DIS3L2: variants seen among roughly 807,000 people sequenced by gnomAD.
DIS3L2 encodes the protein DIS3 like 3'-5' exoribonuclease 2.
Under a neutral mutation model 97.5 loss-of-function variants are expected in DIS3L2, and 34 were observed. The observed-to-expected ratio is 0.35, with a 90% CI of 0.27 to 0.46. The LOEUF (loss-of-function observed/expected upper bound fraction) is 0.46, where lower values mean the gene tolerates loss of function less well. Among genes scored for constraint, DIS3L2 ranks in the 20% least tolerant of loss-of-function variants. DIS3L2 has a pLI of 1.00. For synonymous variants in DIS3L2, 435 were observed against 445.2 expected, an observed-to-expected ratio of 0.98 and a Z score of 0.29; for missense variants, 1,038 against 1,146.0, an observed-to-expected ratio of 0.91 and a Z score of 1.36.
intron 6 of DIS3L2, among the ~76,000 whole-genome samples, chr2:232,109,814 T>A (rs554368734): frequency 6.6e-6 from 1 of 152,266 alleles, no homozygotes; most frequent in Admixed American, 6.5e-5. Context: ...CAGCAATGAT[T>A]TCATGAAGAC....
At chr2:232,322,663 A>G (rs990264625) in intron 14 of DIS3L2, among the ~76,000 whole-genome samples, 1 of 152,232 alleles carries the variant, frequency 6.6e-6, no homozygotes, top group Non-Finnish European at 1.5e-5. Context: ...TCAAACTTGC[A>G]GCAGCAAAGC....
chr2:232,086,735 A>G (rs1010271467), intron 5 of DIS3L2, among the ~76,000 whole-genome samples: 3 of 148,532 alleles, frequency 2.0e-5, no homozygotes, highest in African/African-American at 7.5e-5. Flanking sequence ...GATGGAGTGC[A>G]GTGGTGCCAT....
At chr2:231,986,136 G>C (rs998469163) in intron 1 of DIS3L2, among the ~76,000 whole-genome samples, 23 of 152,186 alleles carry the variant, frequency 1.5e-4, no homozygotes, top group African/African-American at 5.1e-4. Context: ...TGGGCTTTCA[G>C]CCACGGACTG....
intron 16 of DIS3L2, 78 bp from the exon 17 acceptor site, chr2:232,333,762 G>A (rs1321788262): frequency 4.5e-5 from 65 of 1,452,556 alleles, no homozygotes; most frequent in South Asian, 1.2e-4. Context: ...CGACGGTGAG[G>A]CTGTGGGTGG....
chr2:232,306,581 G>A (rs906638211), intron 14 of DIS3L2, among the ~76,000 whole-genome samples: 12 of 152,060 alleles, frequency 7.9e-5, no homozygotes, highest in African/African-American at 2.9e-4. Context: ...TTGGGAAGGA[G>A]GTCCACATCA....
At chr2:232,126,623 G>A (rs750585811) in intron 6 of DIS3L2, among the ~76,000 whole-genome samples, 1 of 152,216 alleles carries the variant, frequency 6.6e-6, no homozygotes, top group Non-Finnish European at 1.5e-5. Flanking sequence ...CCAGAATCTT[G>A]TTGCCTAAAA....
chr2:232,238,399 A>G (rs1692989795), intron 10 of DIS3L2, 134 bp from the exon 11 acceptor site: 1 of 645,104 alleles, frequency 1.6e-6, no homozygotes, highest in Non-Finnish European at 2.7e-6. Flanking sequence ...GAAGGAAGCA[A>G]GCAAGACTAG....
chr2:231,963,040 C>G (rs1251496336), intron 1 of DIS3L2, among the ~76,000 whole-genome samples: 1 of 152,072 alleles, frequency 6.6e-6, no homozygotes, highest in Non-Finnish European at 1.5e-5. Context: ...CAGCCGTGAA[C>G]ATACAACTGC....
intron 8 of DIS3L2, among the ~76,000 whole-genome samples, chr2:232,161,456 C>T (rs557378027): frequency 6.6e-6 from 1 of 152,118 alleles, no homozygotes; most frequent in African/African-American, 2.4e-5. Context: ...TCCCTTCCTC[C>T]CTCTCTCCAT....
At position 232,268,545 on chromosome 2, in the gene DIS3L2, G is replaced by A. The variant is rs1005838695; in HGVS notation, c.1659+5105G>A. The stretch of plus-strand genomic sequence containing the variant: ...GCTGTTGTAGTGTGAAAACACCAGC[G>A]TTGCTTTAAATGGATAAATGTGGCT... On this transcript the variant is annotated intron_variant, in intron 13 of 20. Coordinates refer to ENST00000325385, the MANE Select transcript of DIS3L2 (RefSeq NM_152383.5). This position sits in a 1 kb window ranked among gnomAD's most constrained non-coding sequence, Gnocchi z 4.1. Among the ~76,000 whole-genome samples the A allele has an allele frequency of 5.3e-5, 8 of 152,172 alleles. No individual in the cohort carries two copies. The highest frequency in any genetic ancestry group is 1.2e-4 in the African/African-American group (5 of 41,438).
At chr2:232,045,329 T>C (rs1002622328) in intron 5 of DIS3L2, among the ~76,000 whole-genome samples, 1 of 152,224 alleles carries the variant, frequency 6.6e-6, no homozygotes, top group Non-Finnish European at 1.5e-5. Flanking sequence ...TGTTTCTTAC[T>C]GGGCACTGAC....
chr2:232,263,234 A>G lies in DIS3L2; in HGVS notation c.1453A>G (p.Ile485Val), dbSNP rs910381841. The G allele has an allele frequency of 5.0e-6, 8 of 1,614,222 alleles. No individual in the cohort carries two copies. The highest frequency in any genetic ancestry group is 1.1e-5 in the South Asian group (1 of 91,074). Residue 485 changes from isoleucine (I) to valine (V), a missense_variant, in exon 13 of 21, where the codon ATC becomes GTC. Physicochemically the swap from Ile to Val is conservative, Grantham distance 29. Coordinates refer to ENST00000325385, the MANE Select transcript of DIS3L2 (RefSeq NM_152383.5). ...CCTTGATGAATGGTTTGGCCGGACCATCATCCGCTCCTGCACCAAACTTAG... is the reference window on the plus strand; with the variant it reads ...CCTTGATGAATGGTTTGGCCGGACCGTCATCCGCTCCTGCACCAAACTTAG... ...KILDEWFGRT[I>V]IRSCTKLSYE...
chr2:232,111,820 C>G (rs181237407), intron 6 of DIS3L2, among the ~76,000 whole-genome samples: 2 of 152,234 alleles, frequency 1.3e-5, no homozygotes, highest in East Asian at 3.9e-4. Context: ...CAAGGCAACA[C>G]TTATTCCTTA....
intron 6 of DIS3L2, among the ~76,000 whole-genome samples, chr2:232,128,855 C>G (rs1698143187): frequency 6.6e-6 from 1 of 152,140 alleles, no homozygotes; most frequent in Non-Finnish European, 1.5e-5. Flanking sequence ...TATCCATTGA[C>G]TGTTATCTGT....
At chr2:231,991,941 T>A (rs1180403978) in intron 1 of DIS3L2, among the ~76,000 whole-genome samples, 1 of 152,160 alleles carries the variant, frequency 6.6e-6, no homozygotes, top group Non-Finnish European at 1.5e-5. Context: ...TCTACACTCT[T>A]GGAATTTACA....
chr2:232,270,912 C>CTCTCTCTG (rs1559185348), intron 13 of DIS3L2, among the ~76,000 whole-genome samples: 4 of 121,160 alleles, frequency 3.3e-5, no homozygotes, highest in African/African-American at 1.2e-4. Context: ...CTCTCTCTCT[C>CTCTCTCTG]TCTGTCTCGT....
intron 8 of DIS3L2, among the ~76,000 whole-genome samples, chr2:232,155,966 G>A (rs1356992112): frequency 5.3e-5 from 8 of 151,834 alleles, no homozygotes; most frequent in African/African-American, 1.9e-4. Context: ...CTCCAGCCTG[G>A]GCGACAGAGT....
intron 5 of DIS3L2, among the ~76,000 whole-genome samples, chr2:232,078,296 G>T (rs966019230): frequency 6.6e-6 from 1 of 152,042 alleles, no homozygotes; most frequent in African/African-American, 2.4e-5. Context: ...CACCCGCCTT[G>T]GCCTTCCAAA....
intron 14 of DIS3L2, among the ~76,000 whole-genome samples, chr2:232,309,020 A>G (rs1695055663): frequency 6.6e-6 from 1 of 152,112 alleles, no homozygotes; most frequent in Admixed American, 6.6e-5. Context: ...GAACAGGGGC[A>G]GGCCCGGGGC....
Sources: gnomAD v4.1 joint callset for allele counts (sites outside exome capture counted in the v4.1 genomes callset) on GRCh38, gnomAD v4.1.1 for gene constraint, Gnocchi (gnomAD v3.1) non-coding constraint, MANE v1.5 for transcripts, NCBI Gene and HGNC (gene_info 2026-07-23, HGNC 2026-07-21) for gene names.